EIF2B5: variants seen among roughly 807,000 people sequenced by gnomAD.
EIF2B5 encodes eukaryotic translation initiation factor 2B subunit epsilon, also known as translation initiation factor eIF2B subunit epsilon.
EIF2B5 carries 38 observed loss-of-function variants against 87.3 expected under a neutral mutation model. That is an observed-to-expected ratio of 0.44 (90% confidence interval 0.34 to 0.57). EIF2B5 has a LOEUF of 0.57. EIF2B5 is among the 20% of genes least tolerant of loss of function. The pLI is 0.02. For missense variants in EIF2B5, 784 were observed against 909.5 expected (o/e 0.86, Z 1.78); for synonymous variants, 313 against 339.6 (o/e 0.92, Z 0.86).
chr3:184,144,488 G>T (rs1713776017), intron 14 of EIF2B5, 109 bp from the exon 15 acceptor site: 2 of 1,112,452 alleles, frequency 1.8e-6, no homozygotes, highest in Admixed American at 1.9e-5. Context: ...GCTCACTCTT[G>T]TCCGTTTTGG....
rs752365518 is a variant in EIF2B5, at chr3:184,144,692, G to A, written c.2091G>A (p.Leu697=). ...ATACAACTGACAAGGGCCAGCAGTT[G>A]CGCAAGAATCAACAGGTGCGTCAGG... ...QRDTTDKGQQ[L]RKNQQLQRFI... is the part of the protein sequence containing the mutation. Residue 697 remains leucine, a synonymous_variant, in exon 15 of 16, where the codon TTG becomes TTA. Transcript: ENST00000648915. The A allele has an allele frequency of 6.2e-7, 1 of 1,613,976 alleles. No individual in the cohort carries two copies. Among genetic ancestry groups the A allele is most frequent in the African/African-American group, 1.3e-5 (1 of 75,038 alleles).
chr3:184,140,363 G>A (rs1020482667), intron 6 of EIF2B5, 55 bp from the exon 7 acceptor site: 236 of 1,586,980 alleles, frequency 1.5e-4, no homozygotes, highest in Non-Finnish European at 2.0e-4. Context: ...GTTGTACTTG[G>A]GGGCATTCTT....
At position 184,143,292 on chromosome 3, in the gene EIF2B5, G is replaced by A. The variant is rs1034703670; in HGVS notation, c.1745+150G>A. 25 of 1,482,096 alleles carry A rather than the reference G, an allele frequency of 1.7e-5. No individual in the cohort carries two copies. In the East Asian group the frequency reaches 5.6e-4, roughly 33 times the overall value. 91.8% of individuals were successfully genotyped at this position (1,482,096 alleles called of 1,614,324 possible). The stretch of plus-strand genomic sequence containing the variant: ...TTTGGAGCAAGGAGAGCATTATTAA[G>A]TTCTAGCCTCAGCATAGACTTTCTC... On this transcript the variant is annotated intron_variant, in intron 12 of 15. Coordinates refer to ENST00000648915, the MANE Select transcript of EIF2B5 (RefSeq NM_003907.3).
rs1257235824 is a variant in EIF2B5 at position 184,137,735 on chromosome 3, TCTGA to T, written c.439_442del (p.Asp147PhefsTer23). The T allele has an allele frequency of 1.2e-6, 2 of 1,614,208 alleles. No homozygotes were observed. Among genetic ancestry groups the T allele is most frequent in the Admixed American group, 3.3e-5 (2 of 60,028 alleles). On this transcript the variant is annotated frameshift_variant, in exon 3 of 16. Transcript: ENST00000648915. LOFTEE classifies it high-confidence loss of function. ...TGTTGATGCCAAGGCTTTGGTGCGC[TCTGA>T]CTTTCTTCTGGTGTATGGGGATGTC...
rs1399681845 is a variant in EIF2B5, at chr3:184,137,810, G to T, written c.506+5G>T. On this transcript the variant is annotated splice_donor_5th_base_variant and intron_variant, in intron 3 of 15. Transcript: ENST00000648915. ...CAGAGCCCTTGAGGAACACAGGTCA[G>T]GATGGGAAAATGACAGGAACAAGGG... 6.2e-7 allele frequency: 1 copy of T among 1,614,230 alleles called. No individual in the cohort carries two copies. Among genetic ancestry groups the T allele is most frequent in the Non-Finnish European group, 8.5e-7 (1 of 1,180,048 alleles).
At chr3:184,141,895 T>C (rs1300488547) in intron 7 of EIF2B5, 30 bp from the exon 8 acceptor site, 1 of 1,613,566 alleles carries the variant, frequency 6.2e-7, no homozygotes, top group Admixed American at 1.7e-5. Flanking sequence ...GAACCCTGAG[T>C]TACCCAGAGG....
chr3:184,135,868 C>G (rs1266161477), intron 1 of EIF2B5: 1 of 516,954 alleles, frequency 1.9e-6, no homozygotes, highest in East Asian at 3.4e-5. Context: ...ATTCAGTGCC[C>G]CTAGAAGAGG....
chr3:184,144,270 G>C, intron 14 of EIF2B5, 46 bp downstream of exon 14: 3 of 1,611,854 alleles, frequency 1.9e-6, no homozygotes, highest in Non-Finnish European at 2.5e-6. Context: ...GCTTTCAAAC[G>C]AGGGTTGGTG....
intron 13 of EIF2B5, 183 bp from the exon 14 acceptor site, chr3:184,143,916 C>T: frequency 1.1e-6 from 1 of 949,482 alleles, no homozygotes; most frequent in Non-Finnish European, 1.6e-6. Context: ...CCCCTTTCAC[C>T]TTCCCTAAGG....
At chr3:184,140,338 A>G in intron 6 of EIF2B5, 80 bp from the exon 7 acceptor site, 2 of 1,529,304 alleles carry the variant, frequency 1.3e-6, no homozygotes, top group Non-Finnish European at 1.8e-6. Context: ...AGGGGAACTT[A>G]AAAGGATTAG....
chr3:184,136,704 C>T lies in EIF2B5; in HGVS notation c.288C>T (p.Cys96=), dbSNP rs2109006361. 1 of 1,614,150 alleles carries T rather than the reference C, an allele frequency of 6.2e-7. No homozygotes were observed. ...TGVQETFVFC[C]WKAAQIKEHL... is the part of the protein sequence containing the mutation. The stretch of plus-strand genomic sequence containing the variant: ...TACAGGAAACATTTGTCTTTTGTTG[C>T]TGGAAAGCTGCTCAAATCAAAGAAC... Residue 96 remains cysteine, a synonymous_variant, in exon 2 of 16, where the codon TGC becomes TGT. Transcript: ENST00000648915.
Position 184,142,470 on chromosome 3 carries a change from G to A in EIF2B5, c.1445-32G>A, listed in dbSNP as rs187135257. On this transcript the variant is annotated intron_variant, in intron 9 of 15. Coordinates refer to ENST00000648915, the MANE Select transcript of EIF2B5 (RefSeq NM_003907.3). The surrounding 1 kb of genome is among the most constrained non-coding windows in gnomAD (Gnocchi z 5.0). ...TCCTGGAGGGATTGGTGCTTCCGCC[G>A]GGCCCTCTCTATAGATCATTGCCTT... 7.5e-5 allele frequency: 121 copies of A among 1,614,010 alleles called. No homozygotes were observed. The highest frequency in any genetic ancestry group is 4.2e-4 in the Admixed American group (25 of 60,006).
chr3:184,136,482 T>TA (rs1040924174), intron 1 of EIF2B5, 130 bp from the exon 2 acceptor site: 2 of 1,251,008 alleles, frequency 1.6e-6, no homozygotes, highest in African/African-American at 3.0e-5. Flanking sequence ...GGAACCTGTT[T>TA]ATCTTTGAAT....
In EIF2B5 at chr3:184,135,394, C is replaced by T. The variant is rs1169452154; in HGVS notation, c.9C>T (p.Ala3=). 3 of 1,578,808 alleles carry T rather than the reference C, an allele frequency of 1.9e-6. No individual in the cohort carries two copies. Among genetic ancestry groups the T allele is most frequent in the South Asian group, 2.3e-5 (2 of 86,246 alleles). Residue 3 remains alanine (A), a synonymous_variant, in exon 1 of 16, where the codon GCC becomes GCT. Transcript: ENST00000648915. Reference sequence around the variant, plus strand: ...GACCGTGAGAGAAGAAGATGGCGGCCCCTGTAGTGGCGCCGCCTGGTGTGG... The same window carrying T: ...GACCGTGAGAGAAGAAGATGGCGGCTCCTGTAGTGGCGCCGCCTGGTGTGG... MA[A]PVVAPPGVVV...
intron 2 of EIF2B5, chr3:184,136,994 G>A (rs1385846701): frequency 6.1e-6 from 3 of 492,386 alleles, no homozygotes; most frequent in African/African-American, 1.9e-5. Flanking sequence ...TGGTGCCAGT[G>A]GACTTTGCTT....
chr3:184,142,199 T>C lies in EIF2B5; in HGVS notation c.1303-38T>C. The stretch of plus-strand genomic sequence containing the variant: ...TCTCATTATCAGGATGCACTTTTCC[T>C]CCACACCCTAATGGTTCTGTGTTTT... On this transcript the variant is annotated intron_variant, in intron 8 of 15. Transcript: ENST00000648915. This position sits in a 1 kb window ranked among gnomAD's most constrained non-coding sequence, Gnocchi z 5.0. 6.2e-7 allele frequency: 1 copy of C among 1,614,122 alleles called. No homozygotes were observed. The highest frequency in any genetic ancestry group is 8.5e-7 in the Non-Finnish European group (1 of 1,180,022).
chr3:184,142,002 CTGCTT>C lies in EIF2B5; in HGVS notation c.1237_1241del (p.Leu413Ter). ...GGCTGGAGCACAGATCCATCAGTCT[CTGCTT>C]TGTGACAATGCTGAGGTCAAGGAAC... On this transcript the variant is annotated frameshift_variant, in exon 8 of 16. Coordinates refer to ENST00000648915, the MANE Select transcript of EIF2B5 (RefSeq NM_003907.3). LOFTEE classifies it high-confidence loss of function. The surrounding 1 kb of genome is among the most constrained non-coding windows in gnomAD (Gnocchi z 5.0). The C allele has an allele frequency of 6.2e-7, 1 of 1,614,160 alleles. No individual in the cohort carries two copies. The highest frequency in any genetic ancestry group is 8.5e-7 in the Non-Finnish European group (1 of 1,180,020).
Position 184,144,189 on chromosome 3 carries a change from C to T in EIF2B5, c.1960C>T (p.Leu654=), listed in dbSNP as rs1272712755. Residue 654 remains leucine, a synonymous_variant, in exon 14 of 16, where the codon CTA becomes TTA. Transcript: ENST00000648915. ...EALAAIEDFF[L]EHEALGISMA... is the part of the protein sequence containing the mutation. ...GTTAGCAGCCATTGAGGACTTCTTC[C>T]TAGAGCATGAAGCTCTTGGTATTTC... 5 of 1,614,190 alleles carry T rather than the reference C, an allele frequency of 3.1e-6. No homozygotes were observed. Among genetic ancestry groups the T allele is most frequent in the Non-Finnish European group, 4.2e-6 (5 of 1,180,034 alleles).
chr3:184,141,955 T>C lies in EIF2B5; in HGVS notation c.1187T>C (p.Leu396Pro). ...AACGTGGTGCTGGACCAGACCTACC[T>C]GTGGCAGGGTGTTCGAGTGGCGGCT... ...GDNVVLDQTY[L>P]WQGVRVAAGA... The change falls in exon 8 of 16, where the codon CTG becomes CCG. Residue 396 changes from leucine (L) to proline (P), a missense_variant. By Grantham distance (98) the Leu-to-Pro change is moderately conservative. Coordinates refer to ENST00000648915, the MANE Select transcript of EIF2B5 (RefSeq NM_003907.3). 1 of 1,614,150 alleles carries C rather than the reference T, an allele frequency of 6.2e-7. No homozygotes were observed. Among genetic ancestry groups the C allele is most frequent in the Non-Finnish European group, 8.5e-7 (1 of 1,180,018 alleles).
Sources: allele counts gnomAD v4.1 joint callset, GRCh38; gene constraint gnomAD v4.1.1; non-coding constraint Gnocchi (gnomAD v3.1); transcripts MANE v1.5; gene names NCBI Gene and HGNC (gene_info 2026-07-23, HGNC 2026-07-21).